ZNF407: variants seen among roughly 807,000 people sequenced by gnomAD.
The protein encoded by ZNF407 is zinc finger protein 407.
A neutral mutation model predicts 131.2 loss-of-function variants in ZNF407; 17 were observed. The ratio of observed to expected loss-of-function variants is 0.13; its 90% CI spans 0.09 to 0.19. The LOEUF (loss-of-function observed/expected upper bound fraction) is 0.19, where lower values mean the gene tolerates loss of function less well. Ranked by LOEUF, ZNF407 falls within the 10% of genes least tolerant of loss-of-function variation. The probability of loss-of-function intolerance (pLI) is 1.00; values close to 1 mark genes in which losing one functional copy is unlikely to be tolerated. For missense variants in ZNF407, 2,681 were observed against 2,830.6 expected (o/e 0.95, Z 1.20); for synonymous variants, 1,156 against 1,062.0 (o/e 1.09, Z -1.72).
At chr18:74,702,846 G>T (rs1967532434) in intron 3 of ZNF407, among the ~76,000 whole-genome samples, 1 of 152,220 alleles carries the variant, frequency 6.6e-6, no homozygotes, top group Non-Finnish European at 1.5e-5. Context: ...GTATCTGTTG[G>T]TCAAGCAGTC....
chr18:74,731,270 T>C (rs186314314), intron 3 of ZNF407, among the ~76,000 whole-genome samples: 39 of 152,330 alleles, frequency 2.6e-4, no homozygotes, highest in Non-Finnish European at 4.6e-4. Context: ...CTTCCTTTAA[T>C]TTAGAAAGAC....
chr18:75,051,471 C>T (rs1973500170), intron 8 of ZNF407, among the ~76,000 whole-genome samples: 1 of 152,166 alleles, frequency 6.6e-6, no homozygotes, highest in African/African-American at 2.4e-5. Flanking sequence ...CTTTCTCTCC[C>T]ATTCCCTGAC....
chr18:74,944,646 A>T (rs1172667453), intron 8 of ZNF407, among the ~76,000 whole-genome samples: 1 of 152,272 alleles, frequency 6.6e-6, no homozygotes, highest in East Asian at 1.9e-4. Context: ...CTTTGCAGAC[A>T]GCAATCACAT....
At chr18:74,764,859 ATTG>A (rs774165413) in intron 3 of ZNF407, among the ~76,000 whole-genome samples, 16 of 152,230 alleles carry the variant, frequency 1.1e-4, no homozygotes, top group Non-Finnish European at 1.8e-4. Flanking sequence ...GATAAAAGAA[ATTG>A]TTATTAAGAA....
At chr18:74,944,084 G>A (rs556215799) in intron 8 of ZNF407, among the ~76,000 whole-genome samples, 47 of 152,216 alleles carry the variant, frequency 3.1e-4, no homozygotes, top group African/African-American at 9.9e-4. Flanking sequence ...TATACGAGGC[G>A]CCTGTAGAAA....
intron 1 of ZNF407, among the ~76,000 whole-genome samples, chr18:74,605,589 C>T (rs1265454240): frequency 4.6e-5 from 7 of 152,164 alleles, no homozygotes; most frequent in Admixed American, 4.6e-4. Context: ...TTTGTTTCCT[C>T]ATACATAGCA....
chr18:74,904,756 G>A (rs890769723), intron 7 of ZNF407, among the ~76,000 whole-genome samples: 4 of 152,210 alleles, frequency 2.6e-5, no homozygotes, highest in African/African-American at 9.6e-5. Context: ...GGTGAACAAA[G>A]CATGGGGAGT....
rs1288761756 is a variant in ZNF407 at position 74,634,112 on chromosome 18, T to G, written c.3093T>G (p.Ser1031=). 6.2e-7 allele frequency: 1 copy of G among 1,613,934 alleles called. No individual in the cohort carries two copies. The highest frequency in any genetic ancestry group is 1.3e-5 in the African/African-American group (1 of 74,938). The change falls in exon 2 of 9, where the codon TCT becomes TCG. Residue 1031 remains serine, a synonymous_variant. Transcript: ENST00000299687. The part of the protein sequence containing the change: ...HCEFSAHSSA[S]LELHVKRKHT... The stretch of plus-strand genomic sequence containing the variant: ...AGTTTAGTGCTCACTCCTCTGCTTC[T>G]CTAGAGCTGCATGTAAAACGGAAAC...
chr18:74,827,118 C>T (rs569019455), intron 4 of ZNF407, among the ~76,000 whole-genome samples: 3 of 152,286 alleles, frequency 2.0e-5, no homozygotes, highest in African/African-American at 7.2e-5. Flanking sequence ...CTGGACATTT[C>T]GAATACTAGA....
At chr18:74,758,718 G>T (rs1969022256) in intron 3 of ZNF407, among the ~76,000 whole-genome samples, 1 of 151,994 alleles carries the variant, frequency 6.6e-6, no homozygotes, top group East Asian at 1.9e-4. Context: ...AGCCTTCCTG[G>T]TAGCTCAGAT....
chr18:75,000,189 G>T (rs993380414), intron 8 of ZNF407, among the ~76,000 whole-genome samples: 1 of 152,172 alleles, frequency 6.6e-6, no homozygotes, highest in African/African-American at 2.4e-5. Flanking sequence ...GTGTCAGGGG[G>T]ACGTGAGTTG....
chr18:75,045,755 G>A (rs528151964), intron 8 of ZNF407, among the ~76,000 whole-genome samples: 7 of 152,194 alleles, frequency 4.6e-5, no homozygotes, highest in African/African-American at 1.4e-4. Context: ...CTTGAGTAAC[G>A]CTGTAAGGTT....
At chr18:74,901,707 G>A (rs1971527551) in intron 7 of ZNF407, among the ~76,000 whole-genome samples, 1 of 152,176 alleles carries the variant, frequency 6.6e-6, no homozygotes, top group Non-Finnish European at 1.5e-5. Flanking sequence ...TTCATGACTT[G>A]TGTGTGGCCT....
intron 4 of ZNF407, among the ~76,000 whole-genome samples, chr18:74,796,884 TG>T (rs1259610653): frequency 6.6e-6 from 1 of 152,180 alleles, no homozygotes; most frequent in Admixed American, 6.5e-5. Flanking sequence ...TAAGGTCATT[TG>T]GGAGGGCTTA....
chr18:74,962,858 G>A (rs527768731), intron 8 of ZNF407, among the ~76,000 whole-genome samples: 4 of 152,336 alleles, frequency 2.6e-5, no homozygotes, highest in East Asian at 3.9e-4. Flanking sequence ...CCTGAGACTC[G>A]GCTGAGGGTT....
At chr18:74,912,826 A>T (rs1971692976) in intron 7 of ZNF407, among the ~76,000 whole-genome samples, 1 of 152,238 alleles carries the variant, frequency 6.6e-6, no homozygotes, top group Non-Finnish European at 1.5e-5. Context: ...TTCTGTCCTA[A>T]AGAGCCAGTC....
chr18:74,641,117 C>T lies in ZNF407; in HGVS notation c.4797C>T (p.Val1599=), dbSNP rs780635460. ...HLGMREYKCH[V]CGVAFVMKKH... ...GGATGAGGGAATACAAGTGTCATGT[C>T]TGTGGGTGAGTAAATTGAAGCCATC... Residue 1599 remains valine (V), a synonymous_variant, in exon 3 of 9, where the codon GTC becomes GTT. Coordinates refer to ENST00000299687, the MANE Select transcript of ZNF407 (RefSeq NM_017757.3). 1 of 1,611,650 alleles carries T rather than the reference C, an allele frequency of 6.2e-7. No individual in the cohort carries two copies. Among genetic ancestry groups the T allele is most frequent in the Non-Finnish European group, 8.5e-7 (1 of 1,177,940 alleles).
intron 3 of ZNF407, among the ~76,000 whole-genome samples, chr18:74,669,270 TC>T (rs1341423657): frequency 3.3e-5 from 5 of 152,204 alleles, no homozygotes; most frequent in Non-Finnish European, 5.9e-5. Context: ...GTCAGAGGAC[TC>T]GGCTTTCTGA....
chr18:74,868,475 A>G (rs548195131), intron 4 of ZNF407, among the ~76,000 whole-genome samples: 1 of 152,366 alleles, frequency 6.6e-6, no homozygotes, highest in East Asian at 1.9e-4. Flanking sequence ...AACGAAAAAC[A>G]AAGAAGAGAT....
Sources: gnomAD v4.1 joint callset for allele counts (sites outside exome capture counted in the v4.1 genomes callset) on GRCh38, gnomAD v4.1.1 for gene constraint, MANE v1.5 for transcripts, NCBI Gene and HGNC (gene_info 2026-07-23, HGNC 2026-07-21) for gene names.